TET1: variants seen among roughly 807,000 people sequenced by gnomAD.
The protein encoded by TET1 is methylcytosine dioxygenase TET1.
A neutral mutation model predicts 148.7 loss-of-function variants in TET1; 13 were observed. The observed-to-expected ratio is 0.09, with a 90% confidence interval of 0.06 to 0.14. The LOEUF (loss-of-function observed/expected upper bound fraction) is 0.14. TET1 is among the 10% of genes least tolerant of loss of function. The pLI, the probability that TET1 is intolerant of heterozygous loss-of-function variation, is 1.00. For missense variants in TET1, 2,182 were observed against 2,553.8 expected, an observed-to-expected ratio of 0.85 and a Z score of 3.14; for synonymous variants, 907 against 937.2, an observed-to-expected ratio of 0.97 and a Z score of 0.59.
At chr10:68,611,107 G>T (rs911906174) in intron 3 of TET1, among the ~76,000 whole-genome samples, 10 of 151,962 alleles carry the variant, frequency 6.6e-5, no homozygotes, top group Admixed American at 5.9e-4. Flanking sequence ...GGCCTGGCCA[G>T]CATGGTGAAA....
At chr10:68,588,121 C>T (rs1375196758) in intron 2 of TET1, among the ~76,000 whole-genome samples, 1 of 152,128 alleles carries the variant, frequency 6.6e-6, no homozygotes, top group Non-Finnish European at 1.5e-5. Flanking sequence ...CCTGGGCCTC[C>T]CAAGTGCTGA....
At chr10:68,653,832 C>G (rs554825904) in intron 6 of TET1, among the ~76,000 whole-genome samples, 3 of 152,124 alleles carry the variant, frequency 2.0e-5, no homozygotes, top group Admixed American at 6.6e-5. Context: ...GTCGGCCCAG[C>G]ACGGTGGCTC....
At chr10:68,677,092 G>A (rs1014489159) in intron 8 of TET1, among the ~76,000 whole-genome samples, 5 of 152,172 alleles carry the variant, frequency 3.3e-5, no homozygotes, top group African/African-American at 1.2e-4. Context: ...CATTTTCCTT[G>A]CTCACTTTTT....
rs759851979 is a variant in TET1, at chr10:68,690,852, G to A, written c.5449G>A (p.Glu1817Lys). The A allele has an allele frequency of 4.3e-6, 7 of 1,613,126 alleles. No individual in the cohort carries two copies. The South Asian group carries it at 4.4e-5, about 10-fold the overall frequency. The stretch of plus-strand genomic sequence containing the variant: ...GCAACCTGAAGTAAAAAGTGAAACC[G>A]AACCCCATTTTATCTTAAAAAGTTC... ...TVQPEVKSET[E>K]PHFILKSSDN... The change falls in exon 12 of 12, where the codon GAA becomes AAA. Residue 1817 changes from glutamate (E) to lysine (K), a missense_variant. Physicochemically the swap from Glu to Lys is moderately conservative, Grantham distance 56. This residue lies in a region of TET1 where 380 missense variants were observed against 387.9 expected (regional missense o/e 0.98). Transcript: ENST00000373644.
At chr10:68,635,713 G>T (rs977907444) in intron 3 of TET1, among the ~76,000 whole-genome samples, 3 of 152,170 alleles carry the variant, frequency 2.0e-5, no homozygotes, top group African/African-American at 7.2e-5. Context: ...TCTAGGGCCT[G>T]GGCAAGGTGG....
intron 11 of TET1, among the ~76,000 whole-genome samples, chr10:68,687,364 G>A (rs368572498): frequency 2.0e-5 from 3 of 151,648 alleles, no homozygotes; most frequent in African/African-American, 7.3e-5. Flanking sequence ...ACTGTGCCCA[G>A]CTAATTTTAA....
chr10:68,686,363 C>T lies in TET1; in HGVS notation c.5060C>T (p.Thr1687Ile). ...TGTTTTTCTCCCTATCAGGTTTGTA[C>T]CTTAACTCGAGAAGATAACCGCTCT... is the stretch of plus-strand genomic sequence containing the variant. ...NMNNGSTVVC[T>I]LTREDNRSLG... is the part of the protein sequence containing the mutation. The change falls in exon 11 of 12, where the codon ACC becomes ATC. Residue 1687 changes from threonine to isoleucine, a missense_variant. Thr to Ile is a moderately conservative substitution (Grantham distance 89). Coordinates refer to ENST00000373644, the MANE Select transcript of TET1 (RefSeq NM_030625.3). 2 of 1,602,858 alleles carry T rather than the reference C, an allele frequency of 1.2e-6. No individual in the cohort carries two copies. Among genetic ancestry groups the T allele is most frequent in the Non-Finnish European group, 1.7e-6 (2 of 1,173,372 alleles).
chr10:68,686,976 C>T lies in TET1; in HGVS notation c.5404+269C>T, dbSNP rs1210892091. Among the ~76,000 whole-genome samples, 6 of 151,800 alleles carry T rather than the reference C, an allele frequency of 4.0e-5. No homozygotes were observed. In the East Asian group the frequency reaches 9.7e-4, roughly 24 times the overall value. The stretch of plus-strand genomic sequence containing the variant: ...AATCTTGGCTCACTGCAAGCTCTGC[C>T]TCCTGGGTTCACGCCATTCTCCTGC... On this transcript the variant is annotated intron_variant, in intron 11 of 11. Coordinates refer to ENST00000373644, the MANE Select transcript of TET1 (RefSeq NM_030625.3).
At chr10:68,595,765 G>A (rs1035040248) in intron 2 of TET1, among the ~76,000 whole-genome samples, 4 of 147,278 alleles carry the variant, frequency 2.7e-5, no homozygotes, top group African/African-American at 5.0e-5. Flanking sequence ...TTACAGGCAA[G>A]CGCCACCAGG....
chr10:68,615,385 G>C (rs2054276629), intron 3 of TET1, among the ~76,000 whole-genome samples: 1 of 139,252 alleles, frequency 7.2e-6, no homozygotes. Context: ...TCACTCTTTT[G>C]CCCAGGCTGG....
chr10:68,595,362 G>A (rs189163481), intron 2 of TET1, among the ~76,000 whole-genome samples: 332 of 152,192 alleles, frequency 2.2e-3, no homozygotes, highest in Non-Finnish European at 4.4e-3. Context: ...AATTTCTTGG[G>A]AGAGGAGAGC....
chr10:68,607,897 G>A (rs2132904380), intron 3 of TET1, among the ~76,000 whole-genome samples: 1 of 149,984 alleles, frequency 6.7e-6, no homozygotes, highest in South Asian at 2.1e-4. Context: ...AACCAAAATG[G>A]CCTATGCAAG....
At chr10:68,589,662 A>ATTTTTTT (rs57278279) in intron 2 of TET1, among the ~76,000 whole-genome samples, 1 of 109,766 alleles carries the variant, frequency 9.1e-6, no homozygotes, top group African/African-American at 3.9e-5. Flanking sequence ...AATATCTCCA[A>ATTTTTTT]TTTTTTTTTT....
chr10:68,619,635 C>T (rs779771061), intron 3 of TET1, among the ~76,000 whole-genome samples: 11 of 152,018 alleles, frequency 7.2e-5, no homozygotes, highest in Non-Finnish European at 1.2e-4. Flanking sequence ...ATGAATACAA[C>T]GTGGAAAATT....
At chr10:68,665,545 A>C (rs1018282219) in intron 6 of TET1, among the ~76,000 whole-genome samples, 6 of 152,234 alleles carry the variant, frequency 3.9e-5, no homozygotes, top group African/African-American at 1.2e-4. Context: ...TTAATTTTCT[A>C]TTGTACACTG....
chr10:68,577,699 C>T (rs887150164), intron 2 of TET1, among the ~76,000 whole-genome samples: 2 of 152,104 alleles, frequency 1.3e-5, no homozygotes, highest in Non-Finnish European at 1.5e-5. Flanking sequence ...ATCCCAGCTA[C>T]TCTGGAGGCT....
intron 1 of TET1, among the ~76,000 whole-genome samples, chr10:68,569,993 CA>C (rs776613549): frequency 4.9e-4 from 74 of 152,132 alleles, no homozygotes; most frequent in Admixed American, 9.2e-4. Flanking sequence ...CTTTTAGGTT[CA>C]GGGGGTACAT....
chr10:68,581,474 G>A (rs576881632), intron 2 of TET1, among the ~76,000 whole-genome samples: 291 of 152,212 alleles, frequency 1.9e-3, no homozygotes, highest in African/African-American at 6.6e-3. Flanking sequence ...AGAGCTATTC[G>A]CAGACATTAG....
At chr10:68,585,033 T>G (rs947167115) in intron 2 of TET1, among the ~76,000 whole-genome samples, 1 of 151,690 alleles carries the variant, frequency 6.6e-6, no homozygotes, top group African/African-American at 2.4e-5. Flanking sequence ...AGTCAGAGTT[T>G]TGCTATTGTT....
Sources: allele counts gnomAD v4.1 joint callset (sites outside exome capture counted in the v4.1 genomes callset), GRCh38; gene constraint gnomAD v4.1.1; regional missense constraint gnomAD v4.1.1; transcripts MANE v1.5; gene names NCBI Gene and HGNC (gene_info 2026-07-23, HGNC 2026-07-21).